ARHGAP15: variants seen among roughly 807,000 people sequenced by gnomAD.
ARHGAP15 encodes the protein rho GTPase-activating protein 15.
Under a neutral mutation model 63.7 loss-of-function variants are expected in ARHGAP15, and 51 were observed. The observed-to-expected ratio is 0.80, with a 90% CI of 0.64 to 1.01. The LOEUF (loss-of-function observed/expected upper bound fraction) is 1.01. Ranked by LOEUF, ARHGAP15 falls within the 50% of genes least tolerant of loss-of-function variation. The probability of loss-of-function intolerance (pLI) is 0.00; values close to 1 mark genes in which losing one functional copy is unlikely to be tolerated. For synonymous variants in ARHGAP15, 191 were observed against 193.8 expected (o/e 0.99, Z 0.12); for missense variants, 560 against 564.6 (o/e 0.99, Z 0.08).
At chr2:143,395,879 G>C (rs1687735440) in intron 6 of ARHGAP15, among the ~76,000 whole-genome samples, 1 of 151,950 alleles carries the variant, frequency 6.6e-6, no homozygotes, top group African/African-American at 2.4e-5. Flanking sequence ...TCTATGAACA[G>C]TGAGATGCTA....
At chr2:143,666,216 CAG>C (rs1400113935) in intron 12 of ARHGAP15, among the ~76,000 whole-genome samples, 2 of 148,896 alleles carry the variant, frequency 1.3e-5, no homozygotes, top group Admixed American at 6.7e-5. Flanking sequence ...GGTACCAAAA[CAG>C]AGATATAGAT....
At chr2:143,380,734 T>C (rs1687024611) in intron 6 of ARHGAP15, among the ~76,000 whole-genome samples, 1 of 152,150 alleles carries the variant, frequency 6.6e-6, no homozygotes, top group Non-Finnish European at 1.5e-5. Flanking sequence ...CTTCCATCTC[T>C]GAACCCTAGG....
At chr2:143,543,527 C>A (rs770233219) in intron 10 of ARHGAP15, among the ~76,000 whole-genome samples, 35 of 152,136 alleles carry the variant, frequency 2.3e-4, no homozygotes, top group Non-Finnish European at 4.0e-4. Context: ...TTGATTGTTT[C>A]CTTTGCTGTG....
chr2:143,302,061 A>G (rs1160986163), intron 6 of ARHGAP15, among the ~76,000 whole-genome samples: 1 of 151,992 alleles, frequency 6.6e-6, no homozygotes. Context: ...TATTTGCTAT[A>G]AGCATGTCCT....
intron 6 of ARHGAP15, among the ~76,000 whole-genome samples, chr2:143,405,797 C>T (rs985817622): frequency 6.6e-6 from 1 of 151,804 alleles, no homozygotes; most frequent in Non-Finnish European, 1.5e-5. Flanking sequence ...CTTTCTCCAT[C>T]GTTTCTTGCA....
chr2:143,315,033 C>T (rs941661920), intron 6 of ARHGAP15, among the ~76,000 whole-genome samples: 7 of 152,020 alleles, frequency 4.6e-5, no homozygotes, highest in African/African-American at 1.7e-4. Context: ...ATGTGGGTAT[C>T]CACACATACA....
chr2:143,400,752 T>C (rs1327934139), intron 6 of ARHGAP15, among the ~76,000 whole-genome samples: 2 of 151,990 alleles, frequency 1.3e-5, no homozygotes, highest in African/African-American at 4.8e-5. Context: ...GGATGACAAA[T>C]AGTTAAGATG....
intron 12 of ARHGAP15, among the ~76,000 whole-genome samples, chr2:143,638,316 C>T (rs1007496757): frequency 2.0e-5 from 3 of 148,660 alleles, no homozygotes; most frequent in African/African-American, 7.3e-5. Context: ...GAATACTATG[C>T]AGCCATAAAA....
chr2:143,525,095 C>A (rs778309911), intron 10 of ARHGAP15, among the ~76,000 whole-genome samples: 1 of 152,156 alleles, frequency 6.6e-6, no homozygotes, highest in Non-Finnish European at 1.5e-5. Flanking sequence ...CCTAGACAAG[C>A]TCTGCTCCCA....
Position 143,210,384 on chromosome 2 carries a change from G to A in ARHGAP15, c.235-6000G>A, listed in dbSNP as rs536591740. Reference sequence around the variant, plus strand: ...AGATGAAAGGTTCAGAAAAAAAGTCGTATGGGGGTTCTTAAACATCAAATA... The same window carrying A: ...AGATGAAAGGTTCAGAAAAAAAGTCATATGGGGGTTCTTAAACATCAAATA... On this transcript the variant is annotated intron_variant, in intron 3 of 13. Transcript: ENST00000295095. 5.9e-5 allele frequency among the ~76,000 whole-genome samples: 9 copies of A among 152,102 alleles called. No individual in the cohort carries two copies. In the East Asian group the frequency reaches 1.2e-3, roughly 20 times the overall value.
chr2:143,432,456 C>G (rs921235343), intron 6 of ARHGAP15, among the ~76,000 whole-genome samples: 1 of 152,006 alleles, frequency 6.6e-6, no homozygotes, highest in Non-Finnish European at 1.5e-5. Flanking sequence ...TAATTAAAAT[C>G]TAAAACGCAA....
intron 10 of ARHGAP15, among the ~76,000 whole-genome samples, chr2:143,539,975 T>A (rs1237869519): frequency 6.6e-6 from 1 of 152,176 alleles, no homozygotes; most frequent in African/African-American, 2.4e-5. Context: ...ATGTTGACAG[T>A]GGGGTGTTAA....
intron 12 of ARHGAP15, among the ~76,000 whole-genome samples, chr2:143,684,604 C>G (rs1683244676): frequency 6.6e-6 from 1 of 152,138 alleles, no homozygotes; most frequent in Admixed American, 6.5e-5. Context: ...TAATCTTTCT[C>G]TCTAGAATGG....
intron 6 of ARHGAP15, among the ~76,000 whole-genome samples, chr2:143,390,274 C>G (rs543343435): frequency 1.3e-5 from 2 of 152,230 alleles, no homozygotes; most frequent in East Asian, 3.9e-4. Context: ...AATGCGAAGA[C>G]CCTGGCGATT....
intron 4 of ARHGAP15, among the ~76,000 whole-genome samples, chr2:143,222,839 A>C (rs1373881068): frequency 1.3e-5 from 2 of 152,056 alleles, no homozygotes; most frequent in East Asian, 3.9e-4. Context: ...ATGTCCCACC[A>C]ATTGCATAAA....
At position 143,236,309 on chromosome 2, in the gene ARHGAP15, C is replaced by A. The variant is rs1165111648; in HGVS notation, c.384+7641C>A. On this transcript the variant is annotated intron_variant, in intron 5 of 13. Coordinates refer to ENST00000295095, the MANE Select transcript of ARHGAP15 (RefSeq NM_018460.4). ...AAATATTAGACAACATGCCATGGAA[C>A]CATAGATTTAGCTATAGGTAGTCTT... 1.3e-4 allele frequency: 24 copies of A among 188,096 alleles called. No individual in the cohort carries two copies. In the East Asian group the frequency reaches 2.9e-3, roughly 23 times the overall value. 11.7% of individuals were successfully genotyped at this position (188,096 alleles called of 1,614,324 possible). A position where few individuals can be genotyped will look rare whatever the true frequency, so the allele number is the denominator to read the frequency against.
chr2:143,442,483 T>C (rs926285407), intron 8 of ARHGAP15, among the ~76,000 whole-genome samples: 10 of 152,116 alleles, frequency 6.6e-5, no homozygotes, highest in Admixed American at 3.9e-4. Context: ...TGGCTTTTGC[T>C]TTTGCTAGGA....
intron 9 of ARHGAP15, among the ~76,000 whole-genome samples, chr2:143,499,624 G>A (rs935635361): frequency 2.6e-5 from 4 of 152,092 alleles, no homozygotes; most frequent in Admixed American, 1.3e-4. Context: ...TATTCTACAG[G>A]GAACATTTAA....
In ARHGAP15 at chr2:143,548,204, C is replaced by G. The variant is rs999333498; in HGVS notation, c.926-8204C>G. Among the ~76,000 whole-genome samples, 10 of 151,976 alleles carry G rather than the reference C, an allele frequency of 6.6e-5. No individual in the cohort carries two copies. In the South Asian group the frequency reaches 1.2e-3, roughly 19 times the overall value. Reference sequence around the variant, plus strand: ...AAACAATCTTATTTCCTCATATTAACAAATTGAAGTAACAGGGGCAAAAGA... The same window carrying G: ...AAACAATCTTATTTCCTCATATTAAGAAATTGAAGTAACAGGGGCAAAAGA... On this transcript the variant is annotated intron_variant, in intron 10 of 13. Coordinates refer to ENST00000295095, the MANE Select transcript of ARHGAP15 (RefSeq NM_018460.4).
Sources: gnomAD v4.1 joint callset for allele counts (sites outside exome capture counted in the v4.1 genomes callset) on GRCh38, gnomAD v4.1.1 for gene constraint, MANE v1.5 for transcripts, NCBI Gene and HGNC (gene_info 2026-07-23, HGNC 2026-07-21) for gene names.